GLIPR1L1: variants seen among roughly 807,000 people sequenced by gnomAD.
GLIPR1L1 encodes GLIPR1 like 1, also known as GLIPR1-like protein 1.
In GLIPR1L1, 26 loss-of-function variants were observed where a neutral mutation model predicts 29.9. The observed-to-expected ratio is 0.87, with a 90% CI of 0.64 to 1.21. GLIPR1L1 has a LOEUF of 1.21. Among genes scored for constraint, GLIPR1L1 ranks in the 50% most tolerant of loss-of-function variants. The pLI is 0.00. For missense variants in GLIPR1L1, 305 were observed against 290.3 expected (o/e 1.05, Z -0.37); for synonymous variants, 77 against 97.5 (o/e 0.79, Z 1.24).
intron 3 of GLIPR1L1, among the ~76,000 whole-genome samples, chr12:75,357,463 T>C (rs976338396): frequency 3.9e-5 from 6 of 152,016 alleles, no homozygotes; most frequent in Non-Finnish European, 7.4e-5. Context: ...AACAAGTAGA[T>C]AGAAAATAAG....
chr12:75,342,380 TA>T lies in GLIPR1L1; in HGVS notation c.175-1312del, dbSNP rs1436848009. On this transcript the variant is annotated intron_variant, in intron 1 of 5. Transcript: ENST00000378695. ...CAAAAAACATTACCATTGGGAAAAGTAGGTGAAGTCTACACAGGACCCCTGT... is the reference window on the plus strand; with the variant it reads ...CAAAAAACATTACCATTGGGAAAAGTGGTGAAGTCTACACAGGACCCCTGT... Among the ~76,000 whole-genome samples the T allele has an allele frequency of 2.0e-5, 3 of 152,174 alleles. No homozygotes were observed. In the East Asian group the frequency reaches 5.8e-4, roughly 29 times the overall value.
At chr12:75,357,232 A>C (rs1011077574) in intron 3 of GLIPR1L1, among the ~76,000 whole-genome samples, 4 of 152,192 alleles carry the variant, frequency 2.6e-5, no homozygotes, top group African/African-American at 9.6e-5. Context: ...TTAGTATCAG[A>C]AAATGTAGAT....
At chr12:75,367,308 C>T (rs968281334) in intron 4 of GLIPR1L1, among the ~76,000 whole-genome samples, 9 of 146,312 alleles carry the variant, frequency 6.2e-5, no homozygotes, top group Non-Finnish European at 1.0e-4. Flanking sequence ...TTGACTCTTT[C>T]GTAGTAACAC....
At chr12:75,364,255 T>C (rs1391602397) in intron 4 of GLIPR1L1, among the ~76,000 whole-genome samples, 1 of 152,200 alleles carries the variant, frequency 6.6e-6, no homozygotes, top group Non-Finnish European at 1.5e-5. Flanking sequence ...TGGCCTGAAC[T>C]AGTTTTCAGG....
In GLIPR1L1 at chr12:75,370,115, C is replaced by A; in HGVS notation, c.668C>A (p.Ala223Glu). 6.2e-7 allele frequency: 1 copy of A among 1,606,920 alleles called. No individual in the cohort carries two copies. Among genetic ancestry groups the A allele is most frequent in the Non-Finnish European group, 8.5e-7 (1 of 1,175,544 alleles). The change falls in exon 6 of 6, where the codon GCA (alanine) becomes GAA (glutamate). Residue 223 changes from alanine to glutamate, a missense_variant. By Grantham distance (107) the Ala-to-Glu change is moderately radical. Transcript: ENST00000378695. ...CCATTTCTGAAGCCAACGGGGAGAGCACCTCAGCAGACAGCCTTTAATCCA... is the reference window on the plus strand; with the variant it reads ...CCATTTCTGAAGCCAACGGGGAGAGAACCTCAGCAGACAGCCTTTAATCCA... ...QNPFLKPTGR[A>E]PQQTAFNPFS...
chr12:75,367,247 T>C (rs2044031929), intron 4 of GLIPR1L1, among the ~76,000 whole-genome samples: 2 of 112,928 alleles, frequency 1.8e-5, no homozygotes, highest in South Asian at 3.1e-4. Flanking sequence ...ATTAGGATCC[T>C]AAACAACAAC....
intron 4 of GLIPR1L1, chr12:75,369,674 T>C (rs1326446606): frequency 6.1e-6 from 6 of 984,506 alleles, no homozygotes; most frequent in East Asian, 1.1e-4. Context: ...AATGAAAGAG[T>C]GGGAAAAATA....
At chr12:75,365,796 C>G (rs919227827) in intron 4 of GLIPR1L1, among the ~76,000 whole-genome samples, 1 of 152,038 alleles carries the variant, frequency 6.6e-6, no homozygotes, top group Admixed American at 6.6e-5. Context: ...GGTGTTTACT[C>G]AAGAAATAAA....
chr12:75,363,396 A>C (rs888079192), intron 4 of GLIPR1L1, among the ~76,000 whole-genome samples: 9 of 152,180 alleles, frequency 5.9e-5, no homozygotes, highest in African/African-American at 1.9e-4. Context: ...CTCTGAAGCT[A>C]AAGAGCAGAA....
chr12:75,364,731 T>G (rs1043619834), intron 4 of GLIPR1L1: 3 of 152,222 alleles, frequency 2.0e-5, no homozygotes, highest in African/African-American at 4.8e-5. Flanking sequence ...TTAAAACCTT[T>G]TAAGCTAAGG....
chr12:75,342,875 G>C (rs2042209234), intron 1 of GLIPR1L1, among the ~76,000 whole-genome samples: 2 of 151,854 alleles, frequency 1.3e-5, no homozygotes, highest in African/African-American at 2.4e-5. Flanking sequence ...TTTCAGCATA[G>C]AGATCTTGTA....
rs1292980379 is a variant in GLIPR1L1 at position 75,344,660 on chromosome 12, T to C, written c.420+722T>C. On this transcript the variant is annotated intron_variant, in intron 2 of 5. Transcript: ENST00000378695. ...AATCGAATTTTCTTCCATCATATCA[T>C]GTTGGGTAAATTTTATTATATTCGC... 3.3e-5 allele frequency among the ~76,000 whole-genome samples: 5 copies of C among 152,272 alleles called. No individual in the cohort carries two copies. The South Asian group carries it at 8.3e-4, about 25-fold the overall frequency.
In GLIPR1L1 at chr12:75,364,233, C is replaced by T. The variant is rs150798535; in HGVS notation, c.610+1043C>T. 1.7e-3 allele frequency among the ~76,000 whole-genome samples: 252 copies of T among 152,250 alleles called. 1 individual carries two copies. Among genetic ancestry groups the T allele is most frequent in the African/African-American group, 5.7e-3 (236 of 41,554 alleles). ...GTATAATGAGACATGTCTGACCTCC[C>T]CTTTCCCATCATGGCCTGAACTAGT... is the stretch of plus-strand genomic sequence containing the variant. On this transcript the variant is annotated intron_variant, in intron 4 of 5. Coordinates refer to ENST00000378695, the MANE Select transcript of GLIPR1L1 (RefSeq NM_001304964.2).
At chr12:75,348,664 T>A (rs866337426) in intron 3 of GLIPR1L1, among the ~76,000 whole-genome samples, 3 of 152,174 alleles carry the variant, frequency 2.0e-5, no homozygotes, top group Admixed American at 2.0e-4. Context: ...AGTCAGGTTT[T>A]GGGGTCCAAA....
chr12:75,355,947 A>G (rs369759888), intron 3 of GLIPR1L1, among the ~76,000 whole-genome samples: 9 of 152,092 alleles, frequency 5.9e-5, no homozygotes, highest in Non-Finnish European at 1.0e-4. Flanking sequence ...TTGGCCACAC[A>G]AAGGGTAACA....
intron 1 of GLIPR1L1, among the ~76,000 whole-genome samples, chr12:75,340,801 C>T (rs2042052093): frequency 6.7e-6 from 1 of 150,216 alleles, no homozygotes; most frequent in African/African-American, 2.4e-5. Context: ...CAGAGATATA[C>T]AGATGGAAAA....
Position 75,334,979 on chromosome 12 carries a change from A to T in GLIPR1L1, c.174+77A>T, listed in dbSNP as rs532107161. On this transcript the variant is annotated intron_variant, in intron 1 of 5. Coordinates refer to ENST00000378695, the MANE Select transcript of GLIPR1L1 (RefSeq NM_001304964.2). ...TCTGGGTGATAAATTTCACGGACTT[A>T]ACTTGTACTAATTCAATCCGGACTT... 20 of 1,365,978 alleles carry T rather than the reference A, an allele frequency of 1.5e-5. No individual in the cohort carries two copies. In the Middle Eastern group the frequency reaches 9.9e-4, roughly 68 times the overall value. 84.6% of individuals were successfully genotyped at this position (1,365,978 alleles called of 1,614,324 possible).
chr12:75,344,544 G>C (rs563242317), intron 2 of GLIPR1L1, among the ~76,000 whole-genome samples: 1 of 152,104 alleles, frequency 6.6e-6, no homozygotes, highest in East Asian at 1.9e-4. Context: ...ATATGAGATA[G>C]AGTTGCAATA....
At position 75,363,171 on chromosome 12, in the gene GLIPR1L1, A is replaced by T. The variant is rs746367449; in HGVS notation, c.591A>T (p.Lys197Asn). The change falls in exon 4 of 6, where the codon AAA (lysine) becomes AAT (asparagine). Residue 197 changes from lysine (K) to asparagine (N), a missense_variant. By Grantham distance (94) the Lys-to-Asn change is moderately conservative. Coordinates refer to ENST00000378695, the MANE Select transcript of GLIPR1L1 (RefSeq NM_001304964.2). ...ESCSLCSKEE[K>N]CVKNLCRTPQ... ...GCTCTCTCTGCTCAAAAGAAGAGAA[A>T]TGTGTAAAGAACCTCTGCAGTAAGC... 6 of 1,536,902 alleles carry T rather than the reference A, an allele frequency of 3.9e-6. No individual in the cohort carries two copies. Among genetic ancestry groups the T allele is most frequent in the Non-Finnish European group, 5.2e-6 (6 of 1,146,064 alleles).
Sources: gnomAD v4.1 joint callset for allele counts (sites outside exome capture counted in the v4.1 genomes callset) on GRCh38, gnomAD v4.1.1 for gene constraint, MANE v1.5 for transcripts, NCBI Gene and HGNC (gene_info 2026-07-23, HGNC 2026-07-21) for gene names.